The following CNTN5 variants were observed in gnomAD, a reference collection of about 807,000 sequenced individuals.
CNTN5 encodes the protein contactin 5, also known as contactin-5.
Under a neutral mutation model 129.1 loss-of-function variants are expected in CNTN5, and 77 were observed. The observed-to-expected ratio is 0.60, with a 90% CI of 0.50 to 0.72. The LOEUF (loss-of-function observed/expected upper bound fraction) is 0.72, where lower values mean the gene tolerates loss of function less well. CNTN5 is among the 30% of genes least tolerant of loss of function. The pLI is 0.00. For synonymous variants in CNTN5, 509 were observed against 465.6 expected, an observed-to-expected ratio of 1.09 and a Z score of -1.20; for missense variants, 1,478 against 1,328.8, an observed-to-expected ratio of 1.11 and a Z score of -1.75.
chr11:100,315,245 G>A (rs946260233), intron 21 of CNTN5, among the ~76,000 whole-genome samples: 2 of 152,188 alleles, frequency 1.3e-5, no homozygotes, highest in Non-Finnish European at 2.9e-5. Flanking sequence ...CTTTCGCAAG[G>A]AAGCTTCCAT....
chr11:99,855,691 T>G (rs1320730802), intron 6 of CNTN5, among the ~76,000 whole-genome samples: 1 of 152,194 alleles, frequency 6.6e-6, no homozygotes, highest in African/African-American at 2.4e-5. Flanking sequence ...CCTCTAGATT[T>G]TCTTCTTCCA....
In CNTN5 at chr11:99,637,412, A is replaced by G. The variant is rs1591399114; in HGVS notation, c.55+81143A>G. Among the ~76,000 whole-genome samples the G allele has an allele frequency of 2.0e-5, 3 of 152,190 alleles. No homozygotes were observed. In the East Asian group the frequency reaches 5.8e-4, roughly 29 times the overall value. Reference sequence around the variant, plus strand: ...ATACTTGTATAAATTGAATAAACATAAGCAAACACATCACATGGCAATCAT... The same window carrying G: ...ATACTTGTATAAATTGAATAAACATGAGCAAACACATCACATGGCAATCAT... On this transcript the variant is annotated intron_variant, in intron 3 of 24. Coordinates refer to ENST00000524871, the MANE Select transcript of CNTN5 (RefSeq NM_014361.4).
At chr11:99,511,504 A>G (rs534755563) in intron 2 of CNTN5, among the ~76,000 whole-genome samples, 120 of 152,048 alleles carry the variant, frequency 7.9e-4, no homozygotes, top group African/African-American at 2.7e-3. Flanking sequence ...TGGTGCTGAA[A>G]AGAATGTATA....
chr11:99,213,826 GATCT>G (rs903121974), intron 1 of CNTN5, among the ~76,000 whole-genome samples: 2 of 152,212 alleles, frequency 1.3e-5, no homozygotes, highest in East Asian at 1.9e-4. Flanking sequence ...ATGAGGCAGA[GATCT>G]ATCTTTTACA....
At chr11:99,093,078 T>C (rs1866319985) in intron 1 of CNTN5, among the ~76,000 whole-genome samples, 2 of 152,180 alleles carry the variant, frequency 1.3e-5, no homozygotes, top group Middle Eastern at 3.4e-3. Context: ...AGTACATAGC[T>C]GTTAGTTGAA....
At position 99,046,158 on chromosome 11, in the gene CNTN5, G is replaced by A. The variant is rs182837415; in HGVS notation, c.-210+24888G>A. ...GTGCGAGACCAGACTGGGCGACATG[G>A]CAAAACCCCATCTCTACTAAAAATA... On this transcript the variant is annotated intron_variant, in intron 1 of 24. Transcript: ENST00000524871. 6.1e-3 allele frequency among the ~76,000 whole-genome samples: 925 copies of A among 152,116 alleles called. 5 individuals carry two copies. The highest frequency in any genetic ancestry group is 0.017 in the South Asian group (80 of 4,824).
intron 1 of CNTN5, among the ~76,000 whole-genome samples, chr11:99,026,133 T>C (rs191469797): frequency 1.4e-3 from 206 of 151,770 alleles, no homozygotes; most frequent in Non-Finnish European, 2.1e-3. Context: ...TAAAAATACA[T>C]TTTTATTTAA....
chr11:99,946,150 T>A (rs1950549719), intron 7 of CNTN5, among the ~76,000 whole-genome samples: 1 of 152,148 alleles, frequency 6.6e-6, no homozygotes, highest in Admixed American at 6.6e-5. Flanking sequence ...TTTATTCACC[T>A]AACAACTGGT....
At chr11:99,123,015 T>C (rs995820048) in intron 1 of CNTN5, among the ~76,000 whole-genome samples, 1 of 152,200 alleles carries the variant, frequency 6.6e-6, no homozygotes, top group African/African-American at 2.4e-5. Context: ...TACATGTGCA[T>C]GTGTCTTCAT....
intron 1 of CNTN5, among the ~76,000 whole-genome samples, chr11:99,190,891 T>C (rs1472447716): frequency 6.6e-6 from 1 of 151,676 alleles, no homozygotes; most frequent in Non-Finnish European, 1.5e-5. Context: ...TGAATAGAAG[T>C]AGTGAGAATG....
intron 9 of CNTN5, among the ~76,000 whole-genome samples, chr11:100,055,398 C>T (rs1189412816): frequency 6.6e-6 from 1 of 151,374 alleles, no homozygotes; most frequent in Non-Finnish European, 1.5e-5. Flanking sequence ...TTTCTTACCA[C>T]TTCTTGCATC....
intron 2 of CNTN5, among the ~76,000 whole-genome samples, chr11:99,348,571 G>C (rs1217213675): frequency 6.6e-6 from 1 of 152,148 alleles, no homozygotes; most frequent in Admixed American, 6.6e-5. Context: ...ACTGCCTTCG[G>C]ATATTTTTTT....
intron 4 of CNTN5, among the ~76,000 whole-genome samples, chr11:99,824,922 A>G (rs1289870726): frequency 1.3e-5 from 2 of 151,938 alleles, no homozygotes; most frequent in East Asian, 3.8e-4. Flanking sequence ...CACATCTTTA[A>G]GCTTATTCCT....
chr11:99,528,847 T>C (rs1297107388), intron 2 of CNTN5, among the ~76,000 whole-genome samples: 1 of 151,718 alleles, frequency 6.6e-6, no homozygotes, highest in Non-Finnish European at 1.5e-5. Context: ...GTGGATCACC[T>C]GAGGTCAGGA....
chr11:99,501,001 A>G (rs530392923), intron 2 of CNTN5, among the ~76,000 whole-genome samples: 79 of 152,288 alleles, frequency 5.2e-4, no homozygotes, highest in Non-Finnish European at 9.3e-4. Context: ...AAGATCCTTG[A>G]TATATGCACC....
At chr11:100,000,780 G>A (rs1456772806) in intron 8 of CNTN5, among the ~76,000 whole-genome samples, 1 of 152,186 alleles carries the variant, frequency 6.6e-6, no homozygotes, top group Non-Finnish European at 1.5e-5. Context: ...TCTAGGAAGA[G>A]GTTGCCAAAC....
At chr11:100,045,880 T>A (rs903402516) in intron 9 of CNTN5, among the ~76,000 whole-genome samples, 15 of 152,158 alleles carry the variant, frequency 9.9e-5, no homozygotes, top group Non-Finnish European at 2.1e-4. Flanking sequence ...TGAAAAAGGA[T>A]GACAGTTATC....
rs377420212 is a variant in CNTN5 at position 99,896,301 on chromosome 11, T to C, written c.578-19753T>C. On this transcript the variant is annotated intron_variant, in intron 6 of 24. Transcript: ENST00000524871. ...ACTTACTCATCCCCTGGCTGATCAC[T>C]GCGGTCATGGCTCTGTGTTCTGAGT... Among the ~76,000 whole-genome samples the C allele has an allele frequency of 3.1e-4, 47 of 152,304 alleles. 1 individual carries two copies. Among genetic ancestry groups the C allele is most frequent in the African/African-American group, 1.1e-3 (44 of 41,564 alleles).
chr11:99,809,674 CAT>C (rs556619117), intron 3 of CNTN5, among the ~76,000 whole-genome samples: 118 of 152,156 alleles, frequency 7.8e-4, no homozygotes, highest in African/African-American at 2.7e-3. Context: ...TAATGAAACA[CAT>C]GTTTATTTTT....
Sources: allele counts gnomAD v4.1 joint callset (sites outside exome capture counted in the v4.1 genomes callset), GRCh38; gene constraint gnomAD v4.1.1; transcripts MANE v1.5; gene names NCBI Gene and HGNC (gene_info 2026-07-23, HGNC 2026-07-21).